The following PALM2AKAP2 variants were observed in gnomAD, a reference collection of about 807,000 sequenced individuals.
PALM2AKAP2 encodes PALM2-AKAP2 fusion protein.
Under a neutral mutation model 71.5 loss-of-function variants are expected in PALM2AKAP2, and 37 were observed. The observed-to-expected ratio is 0.52, with a 90% CI of 0.40 to 0.68. The LOEUF (loss-of-function observed/expected upper bound fraction) is 0.68. Ranked by LOEUF, PALM2AKAP2 falls within the 30% of genes least tolerant of loss-of-function variation. The pLI is 0.00. For missense variants in PALM2AKAP2, 1,224 were observed against 1,191.8 expected, an observed-to-expected ratio of 1.03 and a Z score of -0.40; for synonymous variants, 468 against 478.8, an observed-to-expected ratio of 0.98 and a Z score of 0.29.
chr9:109,971,867 T>C (rs553199654), intron 6 of PALM2AKAP2, among the ~76,000 whole-genome samples: 59 of 152,302 alleles, frequency 3.9e-4, no homozygotes, highest in Admixed American at 1.0e-3. Flanking sequence ...TCTCCTACCC[T>C]GAGCAAGCCA....
intron 3 of PALM2AKAP2, among the ~76,000 whole-genome samples, chr9:109,880,955 G>T (rs978172790): frequency 6.6e-6 from 1 of 152,072 alleles, no homozygotes; most frequent in Non-Finnish European, 1.5e-5. Context: ...GTATCGTGGG[G>T]ATTTGTTGAA....
At chr9:109,923,997 C>A in intron 4 of PALM2AKAP2, 148 bp downstream of exon 4, 1 of 822,694 alleles carries the variant, frequency 1.2e-6, no homozygotes, top group Non-Finnish European at 1.8e-6. Context: ...TGTGTGAGGA[C>A]CAGGGGCCAT....
At chr9:110,137,262 A>T (rs970593347) in exon 2 of PALM2AKAP2, 2 of 1,614,254 alleles carry the variant, frequency 1.2e-6, no homozygotes, top group Non-Finnish European at 1.7e-6. Context: ...GCGGTGGCCA[A>T]GGGCCAGAGT....
intron 1 of PALM2AKAP2, among the ~76,000 whole-genome samples, chr9:109,699,222 G>A (rs552580441): frequency 8.5e-5 from 13 of 152,306 alleles, no homozygotes; most frequent in African/African-American, 3.1e-4. Flanking sequence ...GCAAAATGTT[G>A]TAACTGTATT....
chr9:109,759,269 T>TA (rs1829013117), intron 1 of PALM2AKAP2, among the ~76,000 whole-genome samples: 1 of 152,098 alleles, frequency 6.6e-6, no homozygotes, highest in African/African-American at 2.4e-5. Context: ...CCCAGCCTCT[T>TA]ACACTTAGAT....
At chr9:110,023,907 C>T (rs553107262) in intron 7 of PALM2AKAP2, among the ~76,000 whole-genome samples, 3 of 152,068 alleles carry the variant, frequency 2.0e-5, no homozygotes, top group African/African-American at 4.8e-5. Flanking sequence ...ATGGGAAGAT[C>T]GCTTGAGCCC....
At chr9:110,086,610 A>G (rs1376389088) in intron 1 of PALM2AKAP2, among the ~76,000 whole-genome samples, 1 of 152,214 alleles carries the variant, frequency 6.6e-6, no homozygotes, top group African/African-American at 2.4e-5. Flanking sequence ...GTACATGCAC[A>G]TGCATTAAGT....
At chr9:109,947,227 A>G (rs2132062960) in intron 6 of PALM2AKAP2, among the ~76,000 whole-genome samples, 1 of 152,360 alleles carries the variant, frequency 6.6e-6, no homozygotes, top group African/African-American at 2.4e-5. Flanking sequence ...GTATTTGCTT[A>G]AAACGTCTAC....
At chr9:109,960,621 A>G (rs1314756108) in intron 6 of PALM2AKAP2, among the ~76,000 whole-genome samples, 2 of 152,152 alleles carry the variant, frequency 1.3e-5, no homozygotes, top group Non-Finnish European at 2.9e-5. Context: ...CTTTAAAAAG[A>G]AAAAAAAGAT....
intron 1 of PALM2AKAP2, among the ~76,000 whole-genome samples, chr9:109,719,737 G>A (rs1033806594): frequency 1.3e-5 from 2 of 152,086 alleles, no homozygotes; most frequent in African/African-American, 4.8e-5. Context: ...TAGACCTGGG[G>A]CATACTTAGA....
intron 7 of PALM2AKAP2, among the ~76,000 whole-genome samples, chr9:110,024,382 G>T (rs1833134252): frequency 6.6e-6 from 1 of 151,584 alleles, no homozygotes; most frequent in Non-Finnish European, 1.5e-5. Flanking sequence ...GCAGTGTTTT[G>T]TATCTGGCTT....
chr9:109,853,166 C>G lies in PALM2AKAP2; in HGVS notation c.46-14325C>G, dbSNP rs577574611. On this transcript the variant is annotated intron_variant, in intron 1 of 9. Coordinates refer to the PALM2AKAP2 transcript ENST00000302798. ...TGTAATGGAGGGATAATAGAAGCTT[C>G]CCCCCAGGGTTATAGTGAGGGTTGA... 1.2e-4 allele frequency among the ~76,000 whole-genome samples: 19 copies of G among 152,180 alleles called. No homozygotes were observed. The East Asian group carries it at 3.1e-3, about 25-fold the overall frequency.
intron 1 of PALM2AKAP2, among the ~76,000 whole-genome samples, chr9:109,724,940 G>A (rs945950167): frequency 2.6e-5 from 4 of 152,106 alleles, no homozygotes; most frequent in African/African-American, 9.7e-5. Flanking sequence ...GAAAAGCTAG[G>A]AAAATATTTG....
rs909645481 is a variant in PALM2AKAP2, at chr9:109,970,051, T to C, written c.496+38023T>C. 6.6e-5 allele frequency among the ~76,000 whole-genome samples: 10 copies of C among 152,204 alleles called. No homozygotes were observed. In the East Asian group the frequency reaches 1.9e-3, roughly 29 times the overall value. On this transcript the variant is annotated intron_variant, in intron 6 of 9. Coordinates refer to the PALM2AKAP2 transcript ENST00000302798. Reference sequence around the variant, plus strand: ...TGTTTCCTAGACCTTGCCTTTAGGGTCCCTCTGTTCTCAGGGATGCAGTCT... The same window carrying C: ...TGTTTCCTAGACCTTGCCTTTAGGGCCCCTCTGTTCTCAGGGATGCAGTCT...
chr9:110,027,720 G>A (rs1833207059), intron 7 of PALM2AKAP2, among the ~76,000 whole-genome samples: 1 of 152,212 alleles, frequency 6.6e-6, no homozygotes, highest in African/African-American at 2.4e-5. Flanking sequence ...TAGAAGAGCA[G>A]ATGTTCTCTA....
At position 109,978,990 on chromosome 9, in the gene PALM2AKAP2, C is replaced by CT. The variant is rs374404971; in HGVS notation, c.497-36952dup. Among the ~76,000 whole-genome samples, 692 of 145,806 alleles carry CT rather than the reference C, an allele frequency of 4.7e-3. 3 individuals are homozygous for CT. The highest frequency in any genetic ancestry group is 0.014 in the African/African-American group (564 of 40,016). ...CACAAGCCTCTCTGCTCCAGGCCTT[C>CT]TTTTTTTTTTTTCTTTTGAGGCAGA... On this transcript the variant is annotated intron_variant, in intron 6 of 9. Coordinates refer to the PALM2AKAP2 transcript ENST00000302798.
At chr9:110,043,719 T>C (rs887041013), upstream of PALM2AKAP2, among the ~76,000 whole-genome samples, 1 of 118,080 alleles carries the variant, frequency 8.5e-6, no homozygotes, top group Non-Finnish European at 1.8e-5. Context: ...TTTTGGTGTT[T>C]TTTTTTTTTT....
intron 2 of PALM2AKAP2, among the ~76,000 whole-genome samples, chr9:109,878,862 C>T (rs1035810140): frequency 3.3e-5 from 5 of 152,152 alleles, no homozygotes; most frequent in African/African-American, 1.2e-4. Flanking sequence ...CTCAGCCTCC[C>T]AAGTAGCTGG....
intron 1 of PALM2AKAP2, among the ~76,000 whole-genome samples, chr9:109,703,199 G>A (rs997029246): frequency 1.3e-5 from 2 of 152,180 alleles, no homozygotes; most frequent in African/African-American, 4.8e-5. Flanking sequence ...ACTTGGAGTT[G>A]TCTTTTGCAA....
Sources: gnomAD v4.1 joint callset for allele counts (sites outside exome capture counted in the v4.1 genomes callset) on GRCh38, gnomAD v4.1.1 for gene constraint, MANE v1.5 for transcripts, NCBI Gene and HGNC (gene_info 2026-07-23, HGNC 2026-07-21) for gene names.